Variants in PCDHGA1 observed in about 807,000 individuals in gnomAD.
PCDHGA1 encodes the protein protocadherin gamma-A1.
PCDHGA1 carries 32 observed loss-of-function variants against 58.0 expected under a neutral mutation model. The observed-to-expected ratio is 0.55, with a 90% CI of 0.42 to 0.74. The LOEUF (loss-of-function observed/expected upper bound fraction) is 0.74, where lower values mean the gene tolerates loss of function less well. PCDHGA1 is among the 30% of genes least tolerant of loss of function. The pLI is 0.00. For synonymous variants in PCDHGA1, 498 were observed against 501.1 expected (o/e 0.99, Z 0.08); for missense variants, 1,205 against 1,182.3 (o/e 1.02, Z -0.28).
rs1440733700 is a variant in PCDHGA1 at position 141,441,803 on chromosome 5, G to A, written c.2422-53004G>A. 249 of 383,164 alleles carry A rather than the reference G, an allele frequency of 6.5e-4. 2 individuals carry two copies. Among genetic ancestry groups the A allele is most frequent in the African/African-American group, 4.8e-3 (220 of 45,902 alleles). The allele number at this position is 383,164 out of a possible 1,614,324, so 23.7% of individuals were successfully genotyped here. The stretch of plus-strand genomic sequence containing the variant: ...ACCTGAATGACAACGCACCGCGGGT[G>A]CTGTACCCCAGCTCTGGAGCGCAAT... On this transcript the variant is annotated intron_variant, in intron 1 of 3. Coordinates refer to ENST00000517417, the MANE Select transcript of PCDHGA1 (RefSeq NM_018912.3).
chr5:141,429,955 A>G (rs971940539), intron 1 of PCDHGA1, among the ~76,000 whole-genome samples: 1 of 152,202 alleles, frequency 6.6e-6, no homozygotes, highest in Non-Finnish European at 1.5e-5. Context: ...TTTCCAGTCA[A>G]TGCAAGTTGG....
intron 2 of PCDHGA1, among the ~76,000 whole-genome samples, chr5:141,496,991 G>T (rs1164558685): frequency 6.6e-6 from 1 of 151,902 alleles, no homozygotes; most frequent in African/African-American, 2.4e-5. Context: ...TTTGAGACCA[G>T]CCTGGCAGCC....
chr5:141,332,232 G>T lies in PCDHGA1; in HGVS notation c.1548G>T (p.Ala516=), dbSNP rs752057797. Residue 516 remains alanine (A), a synonymous_variant, in exon 1 of 4, where the codon GCG becomes GCT. Transcript: ENST00000517417. The surrounding 1 kb of genome is among the most constrained non-coding windows in gnomAD (Gnocchi z 4.6). ...ACTCCGACACTGGGGTCCTGTATGC[G>T]CTGCGATCCTTCGACTATGAGCAGT... The part of the protein sequence containing the change: ...SINSDTGVLY[A]LRSFDYEQFR... 2 of 1,614,216 alleles carry T rather than the reference G, an allele frequency of 1.2e-6. No homozygotes were observed. The highest frequency in any genetic ancestry group is 3.3e-5 in the Admixed American group (2 of 60,030).
intron 1 of PCDHGA1, chr5:141,371,312 A>T (rs889882138): frequency 1.9e-6 from 3 of 1,613,910 alleles, no homozygotes; most frequent in African/African-American, 2.7e-5. Context: ...CTATTGGAGA[A>T]CTGGACTTTG....
intron 1 of PCDHGA1, chr5:141,410,627 TTC>T: frequency 6.2e-7 from 1 of 1,602,046 alleles, no homozygotes; most frequent in Admixed American, 1.7e-5. Flanking sequence ...TTCGGTGAGT[TTC>T]TCTTTTTTGT....
At chr5:141,390,339 C>A in intron 1 of PCDHGA1, 2 of 1,591,234 alleles carry the variant, frequency 1.3e-6, no homozygotes, top group Non-Finnish European at 1.7e-6. Flanking sequence ...TCCATATTCA[C>A]AAGAAAATAT....
At chr5:141,345,110 G>A in intron 1 of PCDHGA1, 1 of 1,613,944 alleles carries the variant, frequency 6.2e-7, no homozygotes, top group East Asian at 2.2e-5. Context: ...TCCCAGAAGA[G>A]GGCACCGTTG....
At position 141,486,881 on chromosome 5, in the gene PCDHGA1, G is replaced by T. The variant is rs114512641; in HGVS notation, c.2422-7926G>T. The T allele has an allele frequency of 1.3e-5, 21 of 1,614,090 alleles. No homozygotes were observed. The East Asian group carries it at 4.7e-4, about 36-fold the overall frequency. ...TGCTCCAGCTGTGCTCCGTCCTCGG[G>T]CCCGGCCTGGTTCCTTATGTCCCCA... is the stretch of plus-strand genomic sequence containing the variant. On this transcript the variant is annotated intron_variant, in intron 1 of 3. Coordinates refer to ENST00000517417, the MANE Select transcript of PCDHGA1 (RefSeq NM_018912.3). This position sits in a 1 kb window ranked among gnomAD's most constrained non-coding sequence, Gnocchi z 5.0.
intron 1 of PCDHGA1, chr5:141,417,186 C>A (rs2154546857): frequency 6.6e-6 from 1 of 152,258 alleles, no homozygotes; most frequent in Admixed American, 6.5e-5. Context: ...GGAATTATTA[C>A]TTTCTGGGTG....
At chr5:141,494,972 C>A in intron 2 of PCDHGA1, 107 bp downstream of exon 2, 1 of 1,581,852 alleles carries the variant, frequency 6.3e-7, no homozygotes, top group South Asian at 1.1e-5. Flanking sequence ...TGGCTTCTCC[C>A]TCAGTTTGAG....
intron 3 of PCDHGA1, among the ~76,000 whole-genome samples, chr5:141,510,272 TAAAAAA>T (rs546154379): frequency 7.7e-6 from 1 of 130,390 alleles, no homozygotes; most frequent in Non-Finnish European, 1.6e-5. Context: ...GACTCCATCT[TAAAAAA>T]AAAAAAAAAA....
In PCDHGA1 at chr5:141,486,432, G is replaced by T; in HGVS notation, c.2422-8375G>T. On this transcript the variant is annotated intron_variant, in intron 1 of 3. Coordinates refer to ENST00000517417, the MANE Select transcript of PCDHGA1 (RefSeq NM_018912.3). This position sits in a 1 kb window ranked among gnomAD's most constrained non-coding sequence, Gnocchi z 5.0. ...CCCTTGGATCGAGAGGCCAAATCTA[G>T]CTATGACATCATGGTCACTGCTTCT... 4 of 1,614,172 alleles carry T rather than the reference G, an allele frequency of 2.5e-6. No homozygotes were observed. Among genetic ancestry groups the T allele is most frequent in the Non-Finnish European group, 2.5e-6 (3 of 1,180,020 alleles).
At chr5:141,339,659 G>T in intron 1 of PCDHGA1, 1 of 1,614,170 alleles carries the variant, frequency 6.2e-7, no homozygotes, top group South Asian at 1.1e-5. Context: ...CCGCATCTGC[G>T]TGAAGGTCCT....
At chr5:141,413,407 CTT>C (rs758693256) in intron 1 of PCDHGA1, 1 of 1,613,926 alleles carries the variant, frequency 6.2e-7, no homozygotes, top group Non-Finnish European at 8.5e-7. Context: ...TAGGACGCAG[CTT>C]TTCTCTCTGA....
At chr5:141,438,487 G>T (rs1030201971) in intron 1 of PCDHGA1, among the ~76,000 whole-genome samples, 9 of 150,284 alleles carry the variant, frequency 6.0e-5, no homozygotes, top group African/African-American at 2.2e-4. Flanking sequence ...GTCTCTTGGA[G>T]AAAAAAGAAT....
At chr5:141,346,619 A>T in intron 1 of PCDHGA1, 1 of 1,069,508 alleles carries the variant, frequency 9.4e-7, no homozygotes, top group Non-Finnish European at 1.3e-6. Context: ...GTAGGACTGC[A>T]CTCCCCGGTC....
At chr5:141,360,283 C>T (rs749244644) in intron 1 of PCDHGA1, 1 of 1,613,984 alleles carries the variant, frequency 6.2e-7, no homozygotes, top group Non-Finnish European at 8.5e-7. Flanking sequence ...CGTAGGAAAC[C>T]TCGCCAAGGA....
chr5:141,395,370 G>C, intron 1 of PCDHGA1: 1 of 1,207,198 alleles, frequency 8.3e-7, no homozygotes, highest in Non-Finnish European at 1.1e-6. Context: ...GTTTATTTTG[G>C]TGGTGTTACT....
rs1562187768 is a variant in PCDHGA1, at chr5:141,499,029, A to AAGG, written c.2480+4165_2480+4166insGGA. 5.0e-3 allele frequency among the ~76,000 whole-genome samples: 706 copies of AAGG among 140,066 alleles called. 6 individuals carry two copies. Among genetic ancestry groups the AAGG allele is most frequent in the African/African-American group, 0.019 (683 of 36,064 alleles). The allele number at this position is 140,066 out of a possible 152,430, so 91.9% of individuals were successfully genotyped here. A position where few individuals can be genotyped will look rare whatever the true frequency, so the allele number is the denominator to read the frequency against. ...GGAAGGAAGGAAGGAAGGAAGGAAG[A>AAGG]AAAGAAAGAAAAAGGGAGAAAAAAT... On this transcript the variant is annotated intron_variant, in intron 2 of 3. Transcript: ENST00000517417.
Sources: gnomAD v4.1 joint callset for allele counts (sites outside exome capture counted in the v4.1 genomes callset) on GRCh38, gnomAD v4.1.1 for gene constraint, Gnocchi (gnomAD v3.1) non-coding constraint, MANE v1.5 for transcripts, NCBI Gene and HGNC (gene_info 2026-07-23, HGNC 2026-07-21) for gene names.